The following TNRC6A variants were observed in gnomAD, a reference collection of about 807,000 sequenced individuals.
TNRC6A encodes the protein trinucleotide repeat containing adaptor 6A, also known as trinucleotide repeat-containing gene 6A protein.
In TNRC6A, 44 loss-of-function variants were observed where a neutral mutation model predicts 221.2. That is an observed-to-expected ratio of 0.20 (90% CI 0.16 to 0.26). The LOEUF (loss-of-function observed/expected upper bound fraction) is 0.26. Ranked by LOEUF, TNRC6A falls within the 10% of genes least tolerant of loss-of-function variation. The pLI, the probability that TNRC6A is intolerant of heterozygous loss-of-function variation, is 1.00. For synonymous variants in TNRC6A, 847 were observed against 838.5 expected (o/e 1.01, Z -0.18); for missense variants, 2,199 against 2,404.4 (o/e 0.91, Z 1.79).
intron 2 of TNRC6A, among the ~76,000 whole-genome samples, chr16:24,738,584 G>GT (rs1223467485): frequency 6.6e-6 from 1 of 152,138 alleles, no homozygotes; most frequent in Admixed American, 6.5e-5. Flanking sequence ...TTAGTGTAGT[G>GT]TTTTCAAGGT....
At position 24,758,417 on chromosome 16, in the gene TNRC6A, G is replaced by T. The variant is rs56681727; in HGVS notation, c.163+57G>T. On this transcript the variant is annotated intron_variant, in intron 4 of 24. Coordinates refer to ENST00000395799, the MANE Select transcript of TNRC6A (RefSeq NM_014494.4). ...TTTTCATTAAAGCAAGGTTGTTTATGTGCATTTTTGTTCACCTCAAGGATG... is the reference window on the plus strand; with the variant it reads ...TTTTCATTAAAGCAAGGTTGTTTATTTGCATTTTTGTTCACCTCAAGGATG... The T allele has an allele frequency of 1.3e-3, 1,966 of 1,563,008 alleles. 20 individuals are homozygous for T. In the African/African-American group the frequency reaches 0.024, roughly 19 times the overall value.
intron 2 of TNRC6A, among the ~76,000 whole-genome samples, chr16:24,649,678 A>G (rs1455066517): frequency 1.3e-5 from 2 of 152,034 alleles, no homozygotes; most frequent in East Asian, 3.8e-4. Flanking sequence ...TTTCAAATAT[A>G]CAATATGTTA....
intron 4 of TNRC6A, among the ~76,000 whole-genome samples, chr16:24,771,779 GA>G (rs2057616795): frequency 6.6e-6 from 1 of 152,018 alleles, no homozygotes; most frequent in African/African-American, 2.4e-5. Context: ...TAAATCTTGG[GA>G]GACCCTTTCA....
intron 2 of TNRC6A, among the ~76,000 whole-genome samples, chr16:24,686,128 T>C (rs907748538): frequency 1.3e-5 from 2 of 152,174 alleles, no homozygotes; most frequent in Admixed American, 1.3e-4. Context: ...TATTTTCCCC[T>C]GTGTCTGGAA....
intron 2 of TNRC6A, among the ~76,000 whole-genome samples, chr16:24,690,406 GT>G (rs936433819): frequency 1.3e-5 from 2 of 152,010 alleles, no homozygotes; most frequent in African/African-American, 2.4e-5. Flanking sequence ...AAAAGTGGAG[GT>G]TTTTTTCCTC....
chr16:24,740,982 T>A (rs1335870690), intron 2 of TNRC6A, among the ~76,000 whole-genome samples: 2 of 152,258 alleles, frequency 1.3e-5, no homozygotes. Context: ...AATTGATTTT[T>A]GTATGTTGAT....
intron 2 of TNRC6A, among the ~76,000 whole-genome samples, chr16:24,708,545 A>G (rs2056143752): frequency 6.6e-6 from 1 of 151,902 alleles, no homozygotes; most frequent in Admixed American, 6.6e-5. Flanking sequence ...CCAGCCATGG[A>G]TGAGTTCTTT....
chr16:24,771,487 G>A (rs755033626), intron 4 of TNRC6A, among the ~76,000 whole-genome samples: 1 of 139,406 alleles, frequency 7.2e-6, no homozygotes, highest in Non-Finnish European at 1.6e-5. Flanking sequence ...ATCCACACAC[G>A]CCCCCTGTAA....
intron 2 of TNRC6A, among the ~76,000 whole-genome samples, chr16:24,744,244 G>A (rs569694639): frequency 6.6e-6 from 1 of 152,198 alleles, no homozygotes; most frequent in South Asian, 2.1e-4. Flanking sequence ...TCCCATTATT[G>A]GTGATGGTTA....
rs538840102 is a variant in TNRC6A at position 24,805,841 on chromosome 16, C to T, written c.4251+108C>T. 90 of 1,383,016 alleles carry T rather than the reference C, an allele frequency of 6.5e-5. No individual in the cohort carries two copies. In the African/African-American group the frequency reaches 1.2e-3, roughly 18 times the overall value. 85.7% of individuals were successfully genotyped at this position (1,383,016 alleles called of 1,614,324 possible). ...GTGCACTAAACAAAACAGGCGTAGT[C>T]ATAGTCCTCATGGAGCTTACAGTCT... On this transcript the variant is annotated intron_variant, in intron 15 of 24. Transcript: ENST00000395799.
At chr16:24,747,168 C>T (rs1424165664) in intron 2 of TNRC6A, among the ~76,000 whole-genome samples, 1 of 152,184 alleles carries the variant, frequency 6.6e-6, no homozygotes, top group Non-Finnish European at 1.5e-5. Context: ...ATACAATTTA[C>T]ATACAGTAAA....
chr16:24,796,092 G>A, intron 9 of TNRC6A, 153 bp downstream of exon 9: 3 of 768,060 alleles, frequency 3.9e-6, no homozygotes, highest in Non-Finnish European at 4.3e-6. Context: ...CACCTTTCGG[G>A]AGCTCACAGT....
At chr16:24,725,632 A>G (rs1427040706), upstream of TNRC6A, among the ~76,000 whole-genome samples, 1 of 151,604 alleles carries the variant, frequency 6.6e-6, no homozygotes, top group East Asian at 1.9e-4. Context: ...TTTGTTTTAC[A>G]CTTTCTTAGA....
At chr16:24,657,595 G>C (rs1433995849) in intron 2 of TNRC6A, among the ~76,000 whole-genome samples, 1 of 151,646 alleles carries the variant, frequency 6.6e-6, no homozygotes, top group Non-Finnish European at 1.5e-5. Context: ...TGTAATCCCA[G>C]CTATTTGGAA....
At chr16:24,669,045 C>T (rs1304895087) in intron 2 of TNRC6A, among the ~76,000 whole-genome samples, 2 of 151,692 alleles carry the variant, frequency 1.3e-5, no homozygotes, top group Non-Finnish European at 1.5e-5. Context: ...ATCCAGATTT[C>T]TTCAAACCAC....
At chr16:24,796,420 A>C (rs1015500605) in intron 9 of TNRC6A, 1 of 153,122 alleles carries the variant, frequency 6.5e-6, no homozygotes, top group Non-Finnish European at 1.5e-5. Context: ...ATTGGTGCAG[A>C]GGGGAGACCA....
chr16:24,806,305 G>C (rs371027875), intron 16 of TNRC6A, 22 bp downstream of exon 16: 56 of 1,612,802 alleles, frequency 3.5e-5, no homozygotes, highest in Non-Finnish European at 4.7e-5. Context: ...CCTGCAACTC[G>C]CAATGCTGTC....
intron 4 of TNRC6A, among the ~76,000 whole-genome samples, chr16:24,759,759 G>A (rs772221547): frequency 5.9e-5 from 9 of 152,140 alleles, no homozygotes; most frequent in Admixed American, 2.6e-4. Flanking sequence ...TGGCAGTAGA[G>A]GTAGAAGGTG....
At chr16:24,672,133 A>T (rs2055315668) in intron 2 of TNRC6A, among the ~76,000 whole-genome samples, 1 of 151,868 alleles carries the variant, frequency 6.6e-6, no homozygotes, top group Non-Finnish European at 1.5e-5. Flanking sequence ...TTATTTATTT[A>T]TTTTTTGAGA....
Sources: allele counts gnomAD v4.1 joint callset (sites outside exome capture counted in the v4.1 genomes callset), GRCh38; gene constraint gnomAD v4.1.1; transcripts MANE v1.5; gene names NCBI Gene and HGNC (gene_info 2026-07-23, HGNC 2026-07-21).